The following CPLANE1 variants were observed in gnomAD, a reference collection of about 807,000 sequenced individuals.
The protein encoded by CPLANE1 is ciliogenesis and planar polarity effector complex subunit 1, also known as ciliogenesis and planar polarity effector 1.
CPLANE1 carries 263 observed loss-of-function variants against 362.5 expected under a neutral mutation model. The ratio of observed to expected loss-of-function variants is 0.73; its 90% confidence interval spans 0.66 to 0.80. CPLANE1 has a LOEUF of 0.80. Ranked by LOEUF, CPLANE1 falls within the 30% of genes least tolerant of loss-of-function variation. CPLANE1 has a pLI of 0.00. For missense variants in CPLANE1, 3,461 were observed against 3,793.4 expected (o/e 0.91, Z 2.30); for synonymous variants, 1,212 against 1,302.6 (o/e 0.93, Z 1.50).
Position 37,170,076 on chromosome 5 carries a change from T to C in CPLANE1, c.6427A>G (p.Ile2143Val), listed in dbSNP as rs6884652. ...CCAGTACTATTTTGACCAGATGGGA[T>C]AGTTCCTTCATGGCAGTGTGGGCTG... ...KNSPHCHEGT[I>V]PSGQNSTGNV... The change falls in exon 33 of 53, where the codon ATC becomes GTC. Residue 2143 changes from isoleucine (I) to valine (V), a missense_variant. By Grantham distance (29) the Ile-to-Val change is conservative. Coordinates refer to ENST00000651892, the MANE Select transcript of CPLANE1 (RefSeq NM_001384732.1). 13,865 of 1,614,086 alleles carry C rather than the reference T, an allele frequency of 8.6e-3. 1,004 individuals are homozygous for C. In the African/African-American group the frequency reaches 0.16, roughly 19 times the overall value.
intron 51 of CPLANE1, among the ~76,000 whole-genome samples, chr5:37,114,674 C>T (rs1158032154): frequency 2.6e-5 from 4 of 152,114 alleles, no homozygotes; most frequent in Admixed American, 1.3e-4. Context: ...CTAAGATGGG[C>T]GGATCACCTT....
intron 46 of CPLANE1, chr5:37,138,373 T>C (rs1010653527): frequency 1.4e-5 from 4 of 279,844 alleles, no homozygotes; most frequent in Admixed American, 4.6e-5. Context: ...TCCTTTTTGT[T>C]TTCCATTTGC....
At chr5:37,151,921 C>T (rs1049073461) in intron 42 of CPLANE1, among the ~76,000 whole-genome samples, 1 of 151,894 alleles carries the variant, frequency 6.6e-6, no homozygotes, top group Non-Finnish European at 1.5e-5. Flanking sequence ...AAATAAGCAT[C>T]ATAGTATCAT....
chr5:37,185,098 A>C lies in CPLANE1; in HGVS notation c.4190-19T>G. ...TGGGGTCCTGGAAAGAAAAGAATAAAAAGTCTTAGTGTTCATTAAAATATT... is the reference window on the plus strand; with the variant it reads ...TGGGGTCCTGGAAAGAAAAGAATAACAAGTCTTAGTGTTCATTAAAATATT... On this transcript the variant is annotated intron_variant, in intron 24 of 52. Coordinates refer to ENST00000651892, the MANE Select transcript of CPLANE1 (RefSeq NM_001384732.1). 6.3e-7 allele frequency: 1 copy of C among 1,581,810 alleles called. No homozygotes were observed. Among genetic ancestry groups the C allele is most frequent in the South Asian group, 1.2e-5 (1 of 84,898 alleles).
Position 37,169,101 on chromosome 5 carries a change from A to G in CPLANE1, c.6923T>C (p.Ile2308Thr). ...GTTCACATGATTAGGAATTTCTGTA[A>G]TTACAGTTTCTGCCCACGTCTTCTG... The part of the protein sequence containing the change: ...VEQKTWAETV[I>T]TEIPNHVNLD... Residue 2308 changes from isoleucine (I) to threonine (T), a missense_variant, in exon 34 of 53, where the codon ATT (isoleucine) becomes ACT (threonine). Ile to Thr is a moderately conservative substitution (Grantham distance 89). Coordinates refer to ENST00000651892, the MANE Select transcript of CPLANE1 (RefSeq NM_001384732.1). 6.2e-7 allele frequency: 1 copy of G among 1,614,176 alleles called. No individual in the cohort carries two copies. Among genetic ancestry groups the G allele is most frequent in the Non-Finnish European group, 8.5e-7 (1 of 1,180,038 alleles).
At chr5:37,213,832 T>C (rs546376981) in intron 15 of CPLANE1, 100 bp from the exon 16 acceptor site, 1 of 946,468 alleles carries the variant, frequency 1.1e-6, no homozygotes, top group South Asian at 2.8e-5. Flanking sequence ...TGCAATACCT[T>C]TTTTTCTGAG....
chr5:37,125,040 A>G, intron 47 of CPLANE1: 1 of 1,333,120 alleles, frequency 7.5e-7, no homozygotes, highest in Non-Finnish European at 9.5e-7. Flanking sequence ...TATTTAAGAT[A>G]ATTCAGTATA....
At position 37,162,530 on chromosome 5, in the gene CPLANE1, T is replaced by C. The variant is rs1777100094; in HGVS notation, c.7625A>G (p.His2542Arg). 6.2e-7 allele frequency: 1 copy of C among 1,612,728 alleles called. No homozygotes were observed. Among genetic ancestry groups the C allele is most frequent in the Non-Finnish European group, 8.5e-7 (1 of 1,179,022 alleles). Residue 2542 changes from histidine (H) to arginine (R), a missense_variant, in exon 38 of 53, where the codon CAT becomes CGT. His to Arg is a conservative substitution (Grantham distance 29). Transcript: ENST00000651892. ...LQDDNTSAGLHFMASVKKKAI... is the reference protein window; with the variant it reads ...LQDDNTSAGLRFMASVKKKAI... ...TTTCTTTTTTACAGAGGCCATGAAA[T>C]GCAATCCAGCTGAAGTATTATCATC...
intron 16 of CPLANE1, chr5:37,210,854 TGAG>T: frequency 3.6e-6 from 3 of 838,344 alleles, no homozygotes; most frequent in Non-Finnish European, 6.3e-6. Context: ...TGGTTGAGCA[TGAG>T]GAGTTCGAAA....
intron 2 of CPLANE1, among the ~76,000 whole-genome samples, chr5:37,246,763 CTGGGCA>C (rs1451270549): frequency 6.6e-6 from 1 of 152,038 alleles, no homozygotes; most frequent in Admixed American, 6.6e-5. Context: ...TAAAAATTAG[CTGGGCA>C]TGGTGGCATG....
Position 37,154,275 on chromosome 5 carries a change from G to T in CPLANE1, c.8120-282C>A, listed in dbSNP as rs560746147. ...CAAAAAGCAACTTTAATATTTTTATGACTTTTTCAAATTCTACTTGAAAAC... is the reference window on the plus strand; with the variant it reads ...CAAAAAGCAACTTTAATATTTTTATTACTTTTTCAAATTCTACTTGAAAAC... On this transcript the variant is annotated intron_variant, in intron 41 of 52. Transcript: ENST00000651892. Among the ~76,000 whole-genome samples the T allele has an allele frequency of 2.6e-5, 4 of 151,988 alleles. No individual in the cohort carries two copies. The South Asian group carries it at 8.3e-4, about 32-fold the overall frequency.
At chr5:37,098,390 C>CAA in the CPLANE1 span, among the ~76,000 whole-genome samples, 5,351 of 36,544 alleles carry the variant, frequency 0.15, 538 homozygotes, top group African/African-American at 0.18. Context: ...AACTCCGTCT[C>CAA]AAAAAAAAAA....
chr5:37,238,903 T>C lies in CPLANE1; in HGVS notation c.892A>G (p.Lys298Glu). Reference sequence around the variant, plus strand: ...ACGGGACTCTTGTTACTACATCCTTTAAGGCTACCACAGAGAGTAACAAAA... The same window carrying C: ...ACGGGACTCTTGTTACTACATCCTTCAAGGCTACCACAGAGAGTAACAAAA... ...LNFVTLCGSL[K>E]GCSNKSPVVP... is the part of the protein sequence containing the mutation. The change falls in exon 8 of 53, where the codon AAA becomes GAA. Residue 298 changes from lysine (K) to glutamate (E), a missense_variant. Lys to Glu is a moderately conservative substitution (Grantham distance 56, BLOSUM62 1). Around this residue, in one of 2 missense-constraint regions of CPLANE1, gnomAD observed 3,380 missense variants for 3,666.1 expected, o/e 0.92. Transcript: ENST00000651892. 1.3e-6 allele frequency: 2 copies of C among 1,538,876 alleles called. No homozygotes were observed. Among genetic ancestry groups the C allele is most frequent in the Non-Finnish European group, 8.8e-7 (1 of 1,141,960 alleles).
At chr5:37,142,046 T>A in intron 44 of CPLANE1, 1 of 848,170 alleles carries the variant, frequency 1.2e-6, no homozygotes, top group African/African-American at 1.8e-5. Flanking sequence ...AAAAATCAAC[T>A]ATTACAGTAA....
chr5:37,198,195 C>T (rs536122181), intron 20 of CPLANE1, among the ~76,000 whole-genome samples: 1 of 152,146 alleles, frequency 6.6e-6, no homozygotes. Flanking sequence ...AGCGACAGCT[C>T]AGCTGAAGTC....
At position 37,122,313 on chromosome 5, in the gene CPLANE1, TTC is replaced by T. The variant is rs1579897706; in HGVS notation, c.9017+115_9017+116del. ...TTCCTTGCAGTGATAACTCCCATAA[TTC>T]TCTGTTTATTGACAAAAAAGAGACT... On this transcript the variant is annotated intron_variant, in intron 48 of 52. Coordinates refer to ENST00000651892, the MANE Select transcript of CPLANE1 (RefSeq NM_001384732.1). 8 of 806,580 alleles carry T rather than the reference TTC, an allele frequency of 9.9e-6. No homozygotes were observed. The East Asian group carries it at 1.0e-4, about 11-fold the overall frequency. The allele number at this position is 806,580 out of a possible 1,614,324, so 50.0% of individuals were successfully genotyped here.
At position 37,182,864 on chromosome 5, in the gene CPLANE1, G is replaced by C. The variant is rs374839549; in HGVS notation, c.5317C>G (p.Pro1773Ala). 1 of 1,611,416 alleles carries C rather than the reference G, an allele frequency of 6.2e-7. No homozygotes were observed. ...GTAGAGGTCTTTACACGAATTACTGGACTGTACTCAGAGGATGACTCAGTT... is the reference window on the plus strand; with the variant it reads ...GTAGAGGTCTTTACACGAATTACTGCACTGTACTCAGAGGATGACTCAGTT... ...GITESSSEYS[P>A]VIRVKTSTAA... Residue 1773 changes from proline to alanine, a missense_variant, in exon 26 of 53, where the codon CCA becomes GCA. Coordinates refer to ENST00000651892, the MANE Select transcript of CPLANE1 (RefSeq NM_001384732.1).
At chr5:37,141,855 T>C (rs1341780638) in intron 44 of CPLANE1, 2 of 857,342 alleles carry the variant, frequency 2.3e-6, no homozygotes, top group African/African-American at 3.7e-5. Flanking sequence ...TCCTCAACTG[T>C]AAAATGGAGA....
intron 2 of CPLANE1, chr5:37,246,108 T>C (rs1739535136): frequency 4.3e-6 from 1 of 233,738 alleles, no homozygotes; most frequent in African/African-American, 2.2e-5. Flanking sequence ...TATAGGAGTG[T>C]CCTCTAATTC....
Sources: allele counts gnomAD v4.1 joint callset (sites outside exome capture counted in the v4.1 genomes callset), GRCh38; gene constraint gnomAD v4.1.1; regional missense constraint gnomAD v4.1.1; transcripts MANE v1.5; gene names NCBI Gene and HGNC (gene_info 2026-07-23, HGNC 2026-07-21).